Variants in SLC35H1 observed in about 807,000 individuals in gnomAD.
The protein encoded by SLC35H1 is solute carrier family 35 member H1.
chr20:46,355,145 C>T, the SLC35H1 span: 1 of 1,614,024 alleles, frequency 6.2e-7, no homozygotes, highest in Non-Finnish European at 8.5e-7. This position sits in a 1 kb window ranked among gnomAD's most constrained non-coding sequence, Gnocchi z 4.8. Flanking sequence ...GCCCCCAGCA[C>T]CAAGGCGAAG....
chr20:46,357,432 G>A, the SLC35H1 span, among the ~76,000 whole-genome samples: 1 of 152,244 alleles, frequency 6.6e-6, no homozygotes, highest in Non-Finnish European at 1.5e-5. Context: ...TGGTGGGGCA[G>A]TGGGAAGGCA....
the SLC35H1 span, chr20:46,356,640 G>A: frequency 6.2e-7 from 1 of 1,613,498 alleles, no homozygotes. Context: ...CGCCAGAGCT[G>A]TGAAGACACA....
chr20:46,363,810 C>CACA, the SLC35H1 span, among the ~76,000 whole-genome samples: 1 of 152,240 alleles, frequency 6.6e-6, no homozygotes, highest in East Asian at 1.9e-4. Context: ...CAGCCTGGTC[C>CACA]ACAAGGAAGG....
At chr20:46,357,649 T>G in the SLC35H1 span, 1 of 1,613,938 alleles carries the variant, frequency 6.2e-7, no homozygotes, top group Non-Finnish European at 8.5e-7. Context: ...TCTGAGGTAG[T>G]CGGCCCAGCT....
the SLC35H1 span, chr20:46,357,810 T>C: frequency 3.9e-5 from 63 of 1,609,556 alleles, no homozygotes; most frequent in African/African-American, 7.3e-4. Flanking sequence ...CGGCTTGGTT[T>C]AGACAGCCTG....
the SLC35H1 span, chr20:46,350,446 TC>T: frequency 6.2e-7 from 1 of 1,612,604 alleles, no homozygotes; most frequent in Non-Finnish European, 8.5e-7. Context: ...GTCACCTTCC[TC>T]CCGCTGGCTG....
chr20:46,358,562 G>C, the SLC35H1 span: 1 of 1,613,612 alleles, frequency 6.2e-7, no homozygotes. Flanking sequence ...CACCCCTCTT[G>C]AATACAATGT....
the SLC35H1 span, among the ~76,000 whole-genome samples, chr20:46,360,109 C>T: frequency 6.6e-6 from 1 of 152,178 alleles, no homozygotes; most frequent in Admixed American, 6.5e-5. Context: ...GCATCCCGCA[C>T]GACTTTGACA....
At chr20:46,358,154 T>C in the SLC35H1 span, among the ~76,000 whole-genome samples, 2 of 152,112 alleles carry the variant, frequency 1.3e-5, no homozygotes, top group African/African-American at 4.8e-5. Flanking sequence ...TGAGCCCCAG[T>C]TTCCCCAGCT....
the SLC35H1 span, chr20:46,357,556 CTT>C: frequency 6.2e-5 from 97 of 1,564,090 alleles, no homozygotes; most frequent in Non-Finnish European, 8.4e-5. Context: ...GGGTGTCTCT[CTT>C]GTTCTCATCC....
At chr20:46,358,549 AGGCACCC>A in the SLC35H1 span, 1 of 1,614,070 alleles carries the variant, frequency 6.2e-7, no homozygotes, top group Non-Finnish European at 8.5e-7. Context: ...CAGCGGGGGC[AGGCACCC>A]CTCTTGAATA....
At chr20:46,361,358 C>T in the SLC35H1 span, among the ~76,000 whole-genome samples, 2 of 152,174 alleles carry the variant, frequency 1.3e-5, no homozygotes, top group Non-Finnish European at 2.9e-5. Flanking sequence ...CAAATATGAG[C>T]ACATGTCCTG....
chr20:46,355,834 T>C, the SLC35H1 span: 1 of 1,613,406 alleles, frequency 6.2e-7, no homozygotes, highest in Non-Finnish European at 8.5e-7. This position sits in a 1 kb window ranked among gnomAD's most constrained non-coding sequence, Gnocchi z 4.8. Flanking sequence ...AGAGAGAAGA[T>C]CAAGATGAAG....
chr20:46,357,531 G>C, the SLC35H1 span: 1 of 1,449,336 alleles, frequency 6.9e-7, no homozygotes, highest in East Asian at 2.3e-5. Context: ...GGAGGGACTT[G>C]GCTTCCAGAC....
the SLC35H1 span, chr20:46,358,420 G>A: frequency 1.7e-5 from 27 of 1,614,032 alleles, no homozygotes; most frequent in Non-Finnish European, 7.6e-6. Context: ...AGGTGATGCC[G>A]ATGGAGAAGC....
At chr20:46,350,513 G>A in the SLC35H1 span, 2 of 1,601,374 alleles carry the variant, frequency 1.2e-6, no homozygotes, top group Admixed American at 1.8e-5. Flanking sequence ...AAGGCCTTGG[G>A]GCCACCATCA....
chr20:46,355,163 C>G, the SLC35H1 span: 4 of 1,614,126 alleles, frequency 2.5e-6, no homozygotes, highest in South Asian at 1.1e-5. The surrounding 1 kb of genome is among the most constrained non-coding windows in gnomAD (Gnocchi z 4.8). Context: ...AAGCCCTCCA[C>G]GTTGAACTGT....
chr20:46,350,246 A>G, the SLC35H1 span: 1 of 931,132 alleles, frequency 1.1e-6, no homozygotes, highest in Non-Finnish European at 1.6e-6. Context: ...GGAGGGGCAA[A>G]AGTCATGAGT....
chr20:46,354,778 T>G, the SLC35H1 span: 1 of 1,036,196 alleles, frequency 9.7e-7, no homozygotes, highest in Non-Finnish European at 1.5e-6. Flanking sequence ...AGGGACTGCA[T>G]CTTTGATCTC....
Sources: gnomAD v4.1 joint callset for allele counts (sites outside exome capture counted in the v4.1 genomes callset) on GRCh38, gnomAD v4.1.1 for gene constraint, Gnocchi (gnomAD v3.1) non-coding constraint, MANE v1.5 for transcripts, NCBI Gene and HGNC (gene_info 2026-07-23, HGNC 2026-07-21) for gene names.